The following DENR variants were observed in gnomAD, a reference collection of about 807,000 sequenced individuals.
DENR encodes the protein density-regulated protein.
A neutral mutation model predicts 30.6 loss-of-function variants in DENR; 6 were observed. That is an observed-to-expected ratio of 0.20 (90% CI 0.11 to 0.39). DENR has a LOEUF of 0.39. DENR is among the 10% of genes least tolerant of loss of function. The probability of loss-of-function intolerance (pLI) is 1.00; values close to 1 mark genes in which losing one functional copy is unlikely to be tolerated. For missense variants in DENR, 141 were observed against 230.9 expected (o/e 0.61, Z 2.52); for synonymous variants, 78 against 72.1 (o/e 1.08, Z -0.41).
intron 2 of DENR, among the ~76,000 whole-genome samples, chr12:122,757,919 A>G (rs568432183): frequency 6.6e-6 from 1 of 152,310 alleles, no homozygotes; most frequent in African/African-American, 2.4e-5. Context: ...CCCCAAATTT[A>G]GAAGACTTTA....
At chr12:122,760,408 C>A (rs1026472278) in intron 2 of DENR, among the ~76,000 whole-genome samples, 1 of 152,138 alleles carries the variant, frequency 6.6e-6, no homozygotes, top group Non-Finnish European at 1.5e-5. Flanking sequence ...ATATTGGACA[C>A]ACTGAACTAC....
intron 6 of DENR, chr12:122,767,963 G>A (rs189841763): frequency 1.3e-4 from 21 of 157,308 alleles, no homozygotes; most frequent in Non-Finnish European, 2.7e-4. Flanking sequence ...AATGACAGGA[G>A]AGGTTGAGGA....
intron 2 of DENR, among the ~76,000 whole-genome samples, chr12:122,755,092 CAGAG>C (rs1205382882): frequency 1.3e-5 from 2 of 152,028 alleles, no homozygotes; most frequent in African/African-American, 4.8e-5. Context: ...CATTTGGCAG[CAGAG>C]AGAGACAGTA....
At chr12:122,764,565 A>G (rs1214706357) in intron 4 of DENR, among the ~76,000 whole-genome samples, 1 of 152,156 alleles carries the variant, frequency 6.6e-6, no homozygotes, top group Admixed American at 6.6e-5. Context: ...GCACCGCTGC[A>G]CTCCAGCCTG....
intron 4 of DENR, among the ~76,000 whole-genome samples, chr12:122,763,746 A>G (rs991156254): frequency 2.0e-5 from 3 of 152,188 alleles, no homozygotes; most frequent in African/African-American, 7.2e-5. Flanking sequence ...GGGCAAATAT[A>G]TATTGATTTT....
chr12:122,766,262 T>C (rs545500990), intron 5 of DENR, among the ~76,000 whole-genome samples: 1 of 152,316 alleles, frequency 6.6e-6, no homozygotes, highest in South Asian at 2.1e-4. Flanking sequence ...TGCTAAATAA[T>C]AAGCGCACAT....
In DENR at chr12:122,768,941, A is replaced by G. The variant is rs746477224; in HGVS notation, c.552+20A>G. ...CCAGAGGTGAGTGCATGGAACACATACATCGCTAGAGATAAGTTTTTAAAG... is the reference window on the plus strand; with the variant it reads ...CCAGAGGTGAGTGCATGGAACACATGCATCGCTAGAGATAAGTTTTTAAAG... On this transcript the variant is annotated intron_variant, in intron 7 of 7. Transcript: ENST00000280557. 3 of 1,606,854 alleles carry G rather than the reference A, an allele frequency of 1.9e-6. No individual in the cohort carries two copies. The highest frequency in any genetic ancestry group is 2.2e-5 in the East Asian group (1 of 44,558).
Position 122,769,512 on chromosome 12 carries a change from C to CT in DENR, c.*435dup. The CT allele has an allele frequency of 1.0e-6, 1 of 958,798 alleles. No homozygotes were observed. Among genetic ancestry groups the CT allele is most frequent in the Non-Finnish European group, 1.2e-6 (1 of 808,126 alleles). 59.4% of individuals were successfully genotyped at this position (958,798 alleles called of 1,614,324 possible). ...ACTGACTTTCTCTCTCTCTCTCTCT[C>CT]TCTTTTTTTTTTTTGACAGAGTCTC... is the stretch of plus-strand genomic sequence containing the variant. On this transcript the variant is annotated 3_prime_UTR_variant, in exon 8 of 8. Transcript: ENST00000280557.
intron 2 of DENR, among the ~76,000 whole-genome samples, chr12:122,754,671 A>G (rs1183217324): frequency 6.6e-6 from 1 of 152,184 alleles, no homozygotes; most frequent in East Asian, 1.9e-4. Flanking sequence ...AGGAGAAATG[A>G]TATCTTTTTG....
intron 1 of DENR, among the ~76,000 whole-genome samples, chr12:122,753,333 G>T (rs886305056): frequency 6.6e-6 from 1 of 151,956 alleles, no homozygotes; most frequent in African/African-American, 2.4e-5. Context: ...CGCCTTTGTA[G>T]CCCTTCTCTC....
intron 2 of DENR, among the ~76,000 whole-genome samples, chr12:122,755,554 G>C (rs556201723): frequency 4.6e-5 from 7 of 152,230 alleles, no homozygotes; most frequent in African/African-American, 1.7e-4. Flanking sequence ...ACTCCCACCC[G>C]GGCAACAGTG....
chr12:122,757,791 A>G (rs888549762), intron 2 of DENR, among the ~76,000 whole-genome samples: 2 of 152,208 alleles, frequency 1.3e-5, no homozygotes, highest in African/African-American at 2.4e-5. Flanking sequence ...GATTGGTTAT[A>G]TCTTTTTGGA....
chr12:122,755,246 A>G (rs1436976134), intron 2 of DENR, among the ~76,000 whole-genome samples: 1 of 152,208 alleles, frequency 6.6e-6, no homozygotes, highest in African/African-American at 2.4e-5. Flanking sequence ...TGAAAATGTC[A>G]GTCTCTAGAA....
rs148420884 is a variant in DENR, at chr12:122,762,072, T to A, written c.107-115T>A. On this transcript the variant is annotated intron_variant, in intron 2 of 7. Transcript: ENST00000280557. The stretch of plus-strand genomic sequence containing the variant: ...TTTGAAAAGTGGTATAGAAAACTTA[T>A]AGGGAAAATGTAAAAATGAAGCATT... 6 of 674,530 alleles carry A rather than the reference T, an allele frequency of 8.9e-6. No individual in the cohort carries two copies. In the East Asian group the frequency reaches 1.9e-4, roughly 21 times the overall value. 41.8% of individuals were successfully genotyped at this position (674,530 alleles called of 1,614,324 possible).
rs773626223 is a variant in DENR, at chr12:122,753,799, A to G, written c.98A>G (p.Tyr33Cys). ...LDADYPLRVL[Y>C]CGVCSLPTEY... is the part of the protein sequence containing the mutation. ...GCCGATTACCCACTTCGAGTCCTTT[A>G]TTGTGGAGGCAAGTGTTGGTAGCCA... The change falls in exon 2 of 8, where the codon TAT (tyrosine) becomes TGT (cysteine). Residue 33 changes from tyrosine (Y) to cysteine (C), a missense_variant. Around this residue, in one of 2 missense-constraint regions of DENR, gnomAD observed 104 missense variants for 138.3 expected, o/e 0.75. Transcript: ENST00000280557. 1 of 1,613,032 alleles carries G rather than the reference A, an allele frequency of 6.2e-7. No individual in the cohort carries two copies. The highest frequency in any genetic ancestry group is 1.7e-5 in the Admixed American group (1 of 60,024).
Position 122,752,867 on chromosome 12 carries a change from T to G in DENR, c.-93T>G, listed in dbSNP as rs1220045093. Reference sequence around the variant, plus strand: ...TGGCGGTCGGGCGCTCGGGCGGCCCTGGCCGGGGAGACGAGTTGCATGTGT... The same window carrying G: ...TGGCGGTCGGGCGCTCGGGCGGCCCGGGCCGGGGAGACGAGTTGCATGTGT... On this transcript the variant is annotated 5_prime_UTR_variant, in exon 1 of 8. Coordinates refer to ENST00000280557, the MANE Select transcript of DENR (RefSeq NM_003677.5). 1 of 152,518 alleles carries G rather than the reference T, an allele frequency of 6.6e-6. No homozygotes were observed. Among genetic ancestry groups the G allele is most frequent in the Non-Finnish European group, 1.5e-5 (1 of 68,262 alleles). The allele number at this position is 152,518 out of a possible 1,614,324, so 9.4% of individuals were successfully genotyped here. A position where few individuals can be genotyped will look rare whatever the true frequency, so the allele number is the denominator to read the frequency against.
intron 3 of DENR, among the ~76,000 whole-genome samples, 190 bp from the exon 4 acceptor site, chr12:122,762,655 A>G (rs564873187): frequency 4.6e-5 from 7 of 152,332 alleles, no homozygotes; most frequent in East Asian, 1.9e-4. Flanking sequence ...GAGGTACCTA[A>G]TCCTTCTTAA....
chr12:122,769,174 A>G lies in DENR; in HGVS notation c.*96A>G. On this transcript the variant is annotated 3_prime_UTR_variant, in exon 8 of 8. Transcript: ENST00000280557. ...AAAATATATATATATATACACATAT[A>G]TATGTATATATACACATATATGTAT... is the stretch of plus-strand genomic sequence containing the variant. 2 of 1,151,292 alleles carry G rather than the reference A, an allele frequency of 1.7e-6. No individual in the cohort carries two copies. The highest frequency in any genetic ancestry group is 2.3e-6 in the Non-Finnish European group (2 of 877,274). The allele number at this position is 1,151,292 out of a possible 1,614,324, so 71.3% of individuals were successfully genotyped here.
At chr12:122,759,730 T>C (rs886364462) in intron 2 of DENR, among the ~76,000 whole-genome samples, 6 of 151,780 alleles carry the variant, frequency 4.0e-5, no homozygotes, top group Non-Finnish European at 5.9e-5. Context: ...TTTTTTTTTT[T>C]CTGAACTAAA....
Sources: allele counts gnomAD v4.1 joint callset (sites outside exome capture counted in the v4.1 genomes callset), GRCh38; gene constraint gnomAD v4.1.1; regional missense constraint gnomAD v4.1.1; transcripts MANE v1.5; gene names NCBI Gene and HGNC (gene_info 2026-07-23, HGNC 2026-07-21).